The following COL6A6 variants were observed in gnomAD, a reference collection of about 807,000 sequenced individuals.
COL6A6 encodes collagen alpha-6(VI) chain.
In COL6A6, 183 loss-of-function variants were observed where a neutral mutation model predicts 208.6. That is an observed-to-expected ratio of 0.88 (90% confidence interval 0.78 to 0.99). The LOEUF (loss-of-function observed/expected upper bound fraction) is 0.99, where lower values mean the gene tolerates loss of function less well. Among genes scored for constraint, COL6A6 ranks in the 50% least tolerant of loss-of-function variants. The probability of loss-of-function intolerance (pLI) is 0.00; values close to 1 mark genes in which losing one functional copy is unlikely to be tolerated. For synonymous variants in COL6A6, 973 were observed against 1,011.8 expected (o/e 0.96, Z 0.73); for missense variants, 2,816 against 2,815.2 (o/e 1.00, Z -0.01).
intron 22 of COL6A6, 139 bp from the exon 23 acceptor site, chr3:130,610,510 T>A (rs1169041605): frequency 5.8e-6 from 4 of 685,950 alleles, no homozygotes; most frequent in East Asian, 5.6e-5. Flanking sequence ...CAGGCCAGGA[T>A]GGAAGGAAAG....
chr3:130,638,306 C>G (rs535470107), intron 28 of COL6A6, among the ~76,000 whole-genome samples: 1 of 152,246 alleles, frequency 6.6e-6, no homozygotes, highest in Non-Finnish European at 1.5e-5. Context: ...TGAACTGATT[C>G]CTCCTGCTAT....
chr3:130,593,374 T>C (rs1287889140), intron 17 of COL6A6, 122 bp downstream of exon 17: 4 of 756,598 alleles, frequency 5.3e-6, no homozygotes, highest in Non-Finnish European at 9.1e-6. Context: ...AAAACCTCAA[T>C]CACATACAAC....
At chr3:130,642,722 G>T in intron 29 of COL6A6, 110 bp from the exon 30 acceptor site, 2 of 903,472 alleles carry the variant, frequency 2.2e-6, no homozygotes, top group Non-Finnish European at 1.7e-6. Flanking sequence ...ACAATTTAAT[G>T]AGAATAAAAC....
chr3:130,572,490 C>A (rs377492498), intron 7 of COL6A6, among the ~76,000 whole-genome samples: 1 of 152,276 alleles, frequency 6.6e-6, no homozygotes, highest in Admixed American at 6.5e-5. Context: ...CATCTAACTT[C>A]TCTGGTTTTC....
chr3:130,611,517 A>G (rs541923092), intron 23 of COL6A6, among the ~76,000 whole-genome samples: 2 of 152,112 alleles, frequency 1.3e-5, no homozygotes, highest in East Asian at 1.9e-4. Context: ...GTCTTATTAC[A>G]CTCTATCCCT....
intron 1 of COL6A6, among the ~76,000 whole-genome samples, chr3:130,551,916 C>T (rs961171186): frequency 3.3e-5 from 5 of 152,052 alleles, no homozygotes; most frequent in African/African-American, 9.7e-5. Context: ...TCATTATTTA[C>T]CCAAAAGTCA....
chr3:130,550,737 A>G (rs7620826), intron 1 of COL6A6, among the ~76,000 whole-genome samples: 3,580 of 152,314 alleles, frequency 0.024, 134 homozygotes, highest in East Asian at 0.074. Flanking sequence ...GGTCCCTCCC[A>G]CAACATGTGG....
chr3:130,584,455 C>T (rs370696930), intron 10 of COL6A6, among the ~76,000 whole-genome samples: 2 of 152,272 alleles, frequency 1.3e-5, no homozygotes, highest in South Asian at 2.1e-4. Context: ...CCTCCTCATT[C>T]TCATTCTAGA....
At chr3:130,567,993 T>C in intron 5 of COL6A6, 54 bp from the exon 6 acceptor site, 3 of 1,441,934 alleles carry the variant, frequency 2.1e-6, no homozygotes, top group Non-Finnish European at 2.8e-6. Flanking sequence ...CTGTTTACTC[T>C]GAACTTTTTA....
chr3:130,548,874 C>T (rs2062580679), intron 1 of COL6A6, among the ~76,000 whole-genome samples: 1 of 152,204 alleles, frequency 6.6e-6, no homozygotes, highest in Admixed American at 6.5e-5. Context: ...CTGTTAGTCT[C>T]TCCAATGGGG....
In COL6A6 at chr3:130,543,253, T is replaced by G. The variant is rs375278773; in HGVS notation, c.-31-17081T>G. ...CTTCATATTTAAAGTGGGCTTCCTG[T>G]GCAGAACATATAGTGAGATTTTGTT... On this transcript the variant is annotated intron_variant, in intron 1 of 36. Coordinates refer to ENST00000358511, the MANE Select transcript of COL6A6 (RefSeq NM_001102608.3). 3.6e-3 allele frequency among the ~76,000 whole-genome samples: 542 copies of G among 152,332 alleles called. 4 individuals carry two copies. Among genetic ancestry groups the G allele is most frequent in the African/African-American group, 0.012 (490 of 41,564 alleles).
intron 4 of COL6A6, 68 bp from the exon 5 acceptor site, chr3:130,566,634 T>C (rs1057355410): frequency 7.6e-7 from 1 of 1,321,748 alleles, no homozygotes; most frequent in African/African-American, 1.5e-5. Flanking sequence ...TGTTCTTCTT[T>C]CCATGTGCTC....
At chr3:130,666,538 AAG>A (rs2066079552) in intron 36 of COL6A6, among the ~76,000 whole-genome samples, 1 of 152,196 alleles carries the variant, frequency 6.6e-6, no homozygotes, top group Non-Finnish European at 1.5e-5. Context: ...ATATAGGTGA[AAG>A]ATATACAGGT....
At chr3:130,518,184 G>C (rs13097496) in intron 1 of COL6A6, among the ~76,000 whole-genome samples, 14,439 of 152,182 alleles carry the variant, frequency 0.095, 781 homozygotes, top group Middle Eastern at 0.15. Flanking sequence ...CCAGTGGATG[G>C]GTGTGGGGGT....
In COL6A6 at chr3:130,661,681, C is replaced by G; in HGVS notation, c.5875C>G (p.Pro1959Ala). 3 of 1,613,884 alleles carry G rather than the reference C, an allele frequency of 1.9e-6. No homozygotes were observed. Among genetic ancestry groups the G allele is most frequent in the Middle Eastern group, 1.7e-4 (1 of 6,060 alleles). Residue 1959 changes from proline to alanine, a missense_variant, in exon 35 of 37, where the codon CCT becomes GCT. By Grantham distance (27) the Pro-to-Ala change is conservative. Coordinates refer to ENST00000358511, the MANE Select transcript of COL6A6 (RefSeq NM_001102608.3). ...DASCDQARPP[P>A]VQSYMDAAFL... ...TTCTTGTGACCAAGCCAGACCACCCCCTGTGCAGTCTTACATGGATGCTGC... is the reference window on the plus strand; with the variant it reads ...TTCTTGTGACCAAGCCAGACCACCCGCTGTGCAGTCTTACATGGATGCTGC...
At position 130,626,515 on chromosome 3, in the gene COL6A6, G is replaced by A; in HGVS notation, c.4909G>A (p.Ala1637Thr). The change falls in exon 25 of 37, where the codon GCT (alanine) becomes ACT (threonine). Residue 1637 changes from alanine to threonine, a missense_variant. Transcript: ENST00000358511. ...GEPGDLGEKGAVGFPGPRGLQ... is the reference protein window; with the variant it reads ...GEPGDLGEKGTVGFPGPRGLQ... ...ACCTGGAGATCTGGGAGAAAAAGGAGCTGTTGGCTTTCCTGGTCCTCGTGG... is the reference window on the plus strand; with the variant it reads ...ACCTGGAGATCTGGGAGAAAAAGGAACTGTTGGCTTTCCTGGTCCTCGTGG... The A allele has an allele frequency of 1.2e-6, 2 of 1,613,502 alleles. No homozygotes were observed. The highest frequency in any genetic ancestry group is 1.7e-6 in the Non-Finnish European group (2 of 1,179,420).
At chr3:130,546,360 G>C (rs1196808433) in intron 1 of COL6A6, among the ~76,000 whole-genome samples, 3 of 152,236 alleles carry the variant, frequency 2.0e-5, no homozygotes, top group Non-Finnish European at 2.9e-5. Context: ...TCGTGGTCTC[G>C]CTGGCCTCAG....
intron 18 of COL6A6, among the ~76,000 whole-genome samples, chr3:130,595,425 A>T (rs772122081): frequency 6.6e-6 from 1 of 152,228 alleles, no homozygotes; most frequent in Non-Finnish European, 1.5e-5. Flanking sequence ...CAGGTAAAGA[A>T]ATAGAACATT....
chr3:130,627,091 C>G (rs1168075681), intron 25 of COL6A6, among the ~76,000 whole-genome samples: 1 of 151,982 alleles, frequency 6.6e-6, no homozygotes, highest in Non-Finnish European at 1.5e-5. Flanking sequence ...ATTATTATTC[C>G]CAGCTTACAG....
Sources: gnomAD v4.1 joint callset for allele counts (sites outside exome capture counted in the v4.1 genomes callset) on GRCh38, gnomAD v4.1.1 for gene constraint, MANE v1.5 for transcripts, NCBI Gene and HGNC (gene_info 2026-07-23, HGNC 2026-07-21) for gene names.